The following POU5F1 variants were observed in gnomAD, a reference collection of about 807,000 sequenced individuals.
The protein encoded by POU5F1 is POU domain, class 5, transcription factor 1.
In POU5F1, 6 loss-of-function variants were observed where a neutral mutation model predicts 38.3. The observed-to-expected ratio is 0.16, with a 90% CI of 0.09 to 0.31. The LOEUF (loss-of-function observed/expected upper bound fraction) is 0.31, where lower values mean the gene tolerates loss of function less well. Ranked by LOEUF, POU5F1 falls within the 10% of genes least tolerant of loss-of-function variation. The probability of loss-of-function intolerance (pLI) is 1.00; values close to 1 mark genes in which losing one functional copy is unlikely to be tolerated. For missense variants in POU5F1, 286 were observed against 462.6 expected (o/e 0.62, Z 3.50); for synonymous variants, 147 against 194.9 (o/e 0.75, Z 2.05).
chr6:31,170,669 C>T lies in POU5F1; in HGVS notation c.-49G>A, dbSNP rs1179522408. ...GGGGGCCTGGTGAAATGAGGGCTTG[C>T]GAAGGGACTACTCAACCCCTCTCTC... On this transcript the variant is annotated 5_prime_UTR_variant, in exon 1 of 5. Coordinates refer to ENST00000259915, the MANE Select transcript of POU5F1 (RefSeq NM_002701.6). 7.9e-6 allele frequency: 12 copies of T among 1,509,598 alleles called. No homozygotes were observed. The highest frequency in any genetic ancestry group is 4.9e-5 in the East Asian group (2 of 40,790). The allele number at this position is 1,509,598 out of a possible 1,614,324, so 93.5% of individuals were successfully genotyped here.
At position 31,170,427 on chromosome 6, in the gene POU5F1, G is replaced by T. The variant is rs77172244; in HGVS notation, c.194C>A (p.Pro65Gln). 1.9e-6 allele frequency: 3 copies of T among 1,611,466 alleles called. No homozygotes were observed. Among genetic ancestry groups the T allele is most frequent in the East Asian group, 2.2e-5 (1 of 44,782 alleles). Reference protein sequence around the residue: ...SEVWGIPPCPPPYEFCGGMAY... With the variant: ...SEVWGIPPCPQPYEFCGGMAY... ...CATCCCCCCACAGAACTCATACGGCGGGGGGCATGGGGGAATCCCCCACAC... is the reference window on the plus strand; with the variant it reads ...CATCCCCCCACAGAACTCATACGGCTGGGGGCATGGGGGAATCCCCCACAC... Residue 65 changes from proline to glutamine, a missense_variant, in exon 1 of 5, where the codon CCG (proline) becomes CAG (glutamine). Physicochemically the swap from Pro to Gln is moderately conservative, Grantham distance 76 (BLOSUM62 -1). Around this residue, in one of 2 missense-constraint regions of POU5F1, gnomAD observed 176 missense variants for 184.8 expected, o/e 0.95. Transcript: ENST00000259915.
intron 1 of POU5F1, chr6:31,166,882 C>T (rs1777304963): frequency 6.1e-6 from 8 of 1,312,726 alleles, no homozygotes; most frequent in African/African-American, 1.5e-5. Context: ...CATGCATACA[C>T]ACAAACACAG....
chr6:31,166,675 G>C lies in POU5F1; in HGVS notation c.406-628C>G, dbSNP rs1777287697. On this transcript the variant is annotated intron_variant, in intron 1 of 4. Transcript: ENST00000259915. ...CTCTGTCTCAAAGAAAAAAAAAAAA[G>C]AAGATAGTTCATTTAATACCTGCAA... The C allele has an allele frequency of 4.5e-6, 5 of 1,120,816 alleles. No individual in the cohort carries two copies. The East Asian group carries it at 1.3e-4, about 30-fold the overall frequency. The allele number at this position is 1,120,816 out of a possible 1,614,324, so 69.4% of individuals were successfully genotyped here.
At position 31,165,803 on chromosome 6, in the gene POU5F1, G is replaced by GCCCAAGC. The variant is rs200714691; in HGVS notation, c.527-103_527-102insGCTTGGG. 3 of 1,561,272 alleles carry GCCCAAGC rather than the reference G, an allele frequency of 1.9e-6. No individual in the cohort carries two copies. In the African/African-American group the frequency reaches 4.1e-5, roughly 22 times the overall value. On this transcript the variant is annotated intron_variant, in intron 2 of 4. Transcript: ENST00000259915. The surrounding 1 kb of genome is among the most constrained non-coding windows in gnomAD (Gnocchi z 6.5). ...CACCTCTTCCCAGAGGGAGCTCAAAGCATCTTCTCCCTCTCCCTACTCCTC... is the reference window on the plus strand; with the variant it reads ...CACCTCTTCCCAGAGGGAGCTCAAAGCCCAAGCCATCTTCTCCCTCTCCCTACTCCTC...
In POU5F1 at chr6:31,170,379, C is replaced by T; in HGVS notation, c.242G>A (p.Gly81Glu). Reference sequence around the variant, plus strand: ...GCCGCCTTGGGGCACTAGCCCCACTCCAACCTGGGGCCCACAGTACGCCAT... The same window carrying T: ...GCCGCCTTGGGGCACTAGCCCCACTTCAACCTGGGGCCCACAGTACGCCAT... The part of the protein sequence containing the change: ...GGMAYCGPQV[G>E]VGLVPQGGLE... Residue 81 changes from glycine (G) to glutamate (E), a missense_variant, in exon 1 of 5, where the codon GGA becomes GAA. By Grantham distance (98) the Gly-to-Glu change is moderately conservative. Around this residue, in one of 2 missense-constraint regions of POU5F1, gnomAD observed 176 missense variants for 184.8 expected, o/e 0.95. Transcript: ENST00000259915. 3.1e-6 allele frequency: 5 copies of T among 1,612,732 alleles called. No individual in the cohort carries two copies. Among genetic ancestry groups the T allele is most frequent in the Non-Finnish European group, 4.2e-6 (5 of 1,179,854 alleles).
Position 31,166,103 on chromosome 6 carries a change from T to A in POU5F1, c.406-56A>T, listed in dbSNP as rs751667986. The A allele has an allele frequency of 3.7e-6, 6 of 1,614,156 alleles. No homozygotes were observed. The South Asian group carries it at 6.6e-5, about 18-fold the overall frequency. Reference sequence around the variant, plus strand: ...AACATAAACACACCAGTTATCAATCTCCCCTTTCCATTCGGGATTCAAGAA... The same window carrying A: ...AACATAAACACACCAGTTATCAATCACCCCTTTCCATTCGGGATTCAAGAA... On this transcript the variant is annotated intron_variant, in intron 1 of 4. Coordinates refer to ENST00000259915, the MANE Select transcript of POU5F1 (RefSeq NM_002701.6).
At chr6:31,168,380 C>A (rs1481027623) in intron 1 of POU5F1, among the ~76,000 whole-genome samples, 1 of 152,028 alleles carries the variant, frequency 6.6e-6, no homozygotes, top group Non-Finnish European at 1.5e-5. Flanking sequence ...AGATTACAGG[C>A]ATGCGTCACC....
Position 31,164,532 on chromosome 6 carries a change from C to T in POU5F1, c.*69G>A, listed in dbSNP as rs1777045236. On this transcript the variant is annotated 3_prime_UTR_variant, in exon 5 of 5. Transcript: ENST00000259915. Reference sequence around the variant, plus strand: ...GAACTTAATCCCAAAAACCCTGGCACAAACTCCAGGTTTTCTTTCCCTAGC... The same window carrying T: ...GAACTTAATCCCAAAAACCCTGGCATAAACTCCAGGTTTTCTTTCCCTAGC... The T allele has an allele frequency of 1.3e-6, 2 of 1,568,840 alleles. No individual in the cohort carries two copies. The highest frequency in any genetic ancestry group is 2.3e-5 in the South Asian group (2 of 85,534).
intron 1 of POU5F1, among the ~76,000 whole-genome samples, chr6:31,167,604 A>G (rs944786649): frequency 6.6e-6 from 1 of 151,948 alleles, no homozygotes; most frequent in Non-Finnish European, 1.5e-5. Flanking sequence ...GCTACTCAGG[A>G]GGCTGAGGCA....
At position 31,170,280 on chromosome 6, in the gene POU5F1, G is replaced by A. The variant is rs1777564040; in HGVS notation, c.341C>T (p.Pro114Leu). 1 of 1,612,866 alleles carries A rather than the reference G, an allele frequency of 6.2e-7. No homozygotes were observed. Among genetic ancestry groups the A allele is most frequent in the South Asian group, 1.1e-5 (1 of 91,066 alleles). The change falls in exon 1 of 5, where the codon CCC (proline) becomes CTC (leucine). Residue 114 changes from proline (P) to leucine (L), a missense_variant. Around this residue, in one of 2 missense-constraint regions of POU5F1, gnomAD observed 176 missense variants for 184.8 expected, o/e 0.95. Coordinates refer to ENST00000259915, the MANE Select transcript of POU5F1 (RefSeq NM_002701.6). ...CACGGCACCAGGGGTGACGGTGCAG[G>A]GCTCCGGGGAGGCCCCATCGGAGTT... ...ESNSDGASPEPCTVTPGAVKL... is the reference protein window; with the variant it reads ...ESNSDGASPELCTVTPGAVKL...
At chr6:31,169,511 G>A (rs1476963335) in intron 1 of POU5F1, among the ~76,000 whole-genome samples, 1 of 152,136 alleles carries the variant, frequency 6.6e-6, no homozygotes, top group Admixed American at 6.5e-5. Flanking sequence ...TACAACTTTG[G>A]AACTGAGGCT....
rs374685641 is a variant in POU5F1, at chr6:31,170,424, G to T, written c.197C>A (p.Pro66Gln). ...EVWGIPPCPPPYEFCGGMAYC... is the reference protein window; with the variant it reads ...EVWGIPPCPPQYEFCGGMAYC... ...CGCCATCCCCCCACAGAACTCATACGGCGGGGGGCATGGGGGAATCCCCCA... is the reference window on the plus strand; with the variant it reads ...CGCCATCCCCCCACAGAACTCATACTGCGGGGGGCATGGGGGAATCCCCCA... Residue 66 changes from proline to glutamine, a missense_variant, in exon 1 of 5, where the codon CCG (proline) becomes CAG (glutamine). Physicochemically the swap from Pro to Gln is moderately conservative, Grantham distance 76 (BLOSUM62 -1). Around this residue, in one of 2 missense-constraint regions of POU5F1, gnomAD observed 176 missense variants for 184.8 expected, o/e 0.95. Coordinates refer to ENST00000259915, the MANE Select transcript of POU5F1 (RefSeq NM_002701.6). 6.2e-7 allele frequency: 1 copy of T among 1,612,020 alleles called. No homozygotes were observed. Among genetic ancestry groups the T allele is most frequent in the South Asian group, 1.1e-5 (1 of 90,982 alleles).
At chr6:31,169,136 C>T (rs928787021) in intron 1 of POU5F1, among the ~76,000 whole-genome samples, 5 of 152,102 alleles carry the variant, frequency 3.3e-5, no homozygotes, top group South Asian at 4.1e-4. Context: ...AGTTAAAACC[C>T]GTTAAATAGG....
intron 1 of POU5F1, among the ~76,000 whole-genome samples, chr6:31,167,699 C>T (rs1468063646): frequency 6.8e-6 from 1 of 148,148 alleles, no homozygotes; most frequent in East Asian, 2.0e-4. Flanking sequence ...CAGAGTGAGA[C>T]TCCATCTCAA....
At position 31,170,616 on chromosome 6, in the gene POU5F1, G is replaced by T; in HGVS notation, c.5C>A (p.Ala2Glu). 2 of 1,553,744 alleles carry T rather than the reference G, an allele frequency of 1.3e-6. No homozygotes were observed. Among genetic ancestry groups the T allele is most frequent in the South Asian group, 1.2e-5 (1 of 84,432 alleles). M[A>E]GHLASDFAFS... ...GGCGAAATCCGAAGCCAGGTGTCCCGCCATGGGGAAGGAAGGCGCCCCAAG... is the reference window on the plus strand; with the variant it reads ...GGCGAAATCCGAAGCCAGGTGTCCCTCCATGGGGAAGGAAGGCGCCCCAAG... Residue 2 changes from alanine to glutamate, a missense_variant, in exon 1 of 5, where the codon GCG (alanine) becomes GAG (glutamate). By Grantham distance (107) the Ala-to-Glu change is moderately radical (BLOSUM62 -1). Around this residue, in one of 2 missense-constraint regions of POU5F1, gnomAD observed 176 missense variants for 184.8 expected, o/e 0.95. Coordinates refer to ENST00000259915, the MANE Select transcript of POU5F1 (RefSeq NM_002701.6).
At position 31,168,460 on chromosome 6, in the gene POU5F1, C is replaced by T. The variant is rs1396667642; in HGVS notation, c.405+1756G>A. On this transcript the variant is annotated intron_variant, in intron 1 of 4. Transcript: ENST00000259915. ...ATGTTGGTCAGGCTGGACTCGAACT[C>T]CCGACCTCAGGTGATTCGCCTGCCT... 3.3e-5 allele frequency among the ~76,000 whole-genome samples: 5 copies of T among 152,048 alleles called. No homozygotes were observed. In the South Asian group the frequency reaches 1.0e-3, roughly 32 times the overall value.
At chr6:31,167,481 G>A (rs945374851) in intron 1 of POU5F1, among the ~76,000 whole-genome samples, 2 of 152,106 alleles carry the variant, frequency 1.3e-5, no homozygotes, top group African/African-American at 2.4e-5. Context: ...GCCAAGGTGG[G>A]TAGATCACTT....
At position 31,170,537 on chromosome 6, in the gene POU5F1, G is replaced by A; in HGVS notation, c.84C>T (p.Gly28=). The change falls in exon 1 of 5, where the codon GGC becomes GGT. Residue 28 remains glycine (G), a synonymous_variant. Coordinates refer to ENST00000259915, the MANE Select transcript of POU5F1 (RefSeq NM_002701.6). ...GGDGPGGPEP[G]WVDPRTWLSF... ...TTAGCCAGGTCCGAGGATCAACCCA[G>A]CCCGGCTCCGGCCCCCCTGGCCCAT... 6.3e-7 allele frequency: 1 copy of A among 1,577,356 alleles called. No homozygotes were observed. The highest frequency in any genetic ancestry group is 8.6e-7 in the Non-Finnish European group (1 of 1,162,328).
At chr6:31,169,660 G>A (rs186346943) in intron 1 of POU5F1, among the ~76,000 whole-genome samples, 2 of 152,160 alleles carry the variant, frequency 1.3e-5, no homozygotes, top group African/African-American at 2.4e-5. Flanking sequence ...CTCACAACGC[G>A]CACACACACA....
Sources: gnomAD v4.1 joint callset for allele counts (sites outside exome capture counted in the v4.1 genomes callset) on GRCh38, gnomAD v4.1.1 for gene constraint, gnomAD v4.1.1 regional missense constraint, Gnocchi (gnomAD v3.1) non-coding constraint, MANE v1.5 for transcripts, NCBI Gene and HGNC (gene_info 2026-07-23, HGNC 2026-07-21) for gene names.